Variants in PLPPR1 observed in about 807,000 individuals in gnomAD.
PLPPR1 encodes the protein phospholipid phosphatase-related protein type 1.
PLPPR1 carries 10 observed loss-of-function variants against 33.1 expected under a neutral mutation model. That is an observed-to-expected ratio of 0.30 (90% confidence interval 0.19 to 0.51). PLPPR1 has a LOEUF of 0.51. Ranked by LOEUF, PLPPR1 falls within the 20% of genes least tolerant of loss-of-function variation. The probability of loss-of-function intolerance (pLI) is 0.97; values close to 1 mark genes in which losing one functional copy is unlikely to be tolerated. For synonymous variants in PLPPR1, 151 were observed against 151.0 expected, an observed-to-expected ratio of 1.00 and a Z score of 0.00; for missense variants, 304 against 408.1, an observed-to-expected ratio of 0.74 and a Z score of 2.20.
intron 4 of PLPPR1, among the ~76,000 whole-genome samples, chr9:101,304,552 G>C (rs759388761): frequency 1.3e-5 from 2 of 152,184 alleles, no homozygotes; most frequent in Non-Finnish European, 2.9e-5. Flanking sequence ...CAAGAAATAT[G>C]AGAATAATGG....
chr9:101,215,595 C>A (rs1023448997), intron 2 of PLPPR1, among the ~76,000 whole-genome samples: 17 of 152,288 alleles, frequency 1.1e-4, no homozygotes, highest in African/African-American at 3.8e-4. Context: ...TCTAACTGTA[C>A]TTATGTACTC....
chr9:101,117,833 A>T (rs1179797835), intron 1 of PLPPR1, among the ~76,000 whole-genome samples: 2 of 152,224 alleles, frequency 1.3e-5, no homozygotes, highest in Non-Finnish European at 2.9e-5. Context: ...AACCTGGCAC[A>T]TCTGAGCACT....
intron 1 of PLPPR1, among the ~76,000 whole-genome samples, chr9:101,049,540 A>G (rs943043612): frequency 7.9e-5 from 12 of 152,168 alleles, no homozygotes; most frequent in Non-Finnish European, 1.8e-4. Context: ...ATATTGCTTC[A>G]TTAAGTTCTC....
Position 101,291,567 on chromosome 9 carries a change from C to T in PLPPR1, c.385+5331C>T, listed in dbSNP as rs547592009. Among the ~76,000 whole-genome samples the T allele has an allele frequency of 5.3e-5, 8 of 152,318 alleles. No individual in the cohort carries two copies. In the South Asian group the frequency reaches 6.2e-4, roughly 12 times the overall value. On this transcript the variant is annotated intron_variant, in intron 4 of 7. Coordinates refer to ENST00000374874, the MANE Select transcript of PLPPR1 (RefSeq NM_207299.2). Reference sequence around the variant, plus strand: ...AGTAGGGGCAGACTGACACCTCACACGGCCGGGTACTCCTCTGAGACAAAA... The same window carrying T: ...AGTAGGGGCAGACTGACACCTCACATGGCCGGGTACTCCTCTGAGACAAAA...
At chr9:101,034,821 G>A (rs571501182) in intron 1 of PLPPR1, among the ~76,000 whole-genome samples, 7 of 151,390 alleles carry the variant, frequency 4.6e-5, no homozygotes, top group Admixed American at 1.3e-4. Flanking sequence ...ATTTGGGGGC[G>A]GGGGGGTTGG....
chr9:101,217,802 A>T (rs1826833482), intron 2 of PLPPR1, among the ~76,000 whole-genome samples: 1 of 152,214 alleles, frequency 6.6e-6, no homozygotes, highest in Non-Finnish European at 1.5e-5. Flanking sequence ...TAATTCTTAA[A>T]CAATTGCCTA....
intron 2 of PLPPR1, among the ~76,000 whole-genome samples, chr9:101,226,626 A>G (rs1049813881): frequency 1.3e-5 from 2 of 152,064 alleles, no homozygotes; most frequent in Non-Finnish European, 2.9e-5. Context: ...TCTCTTTTAT[A>G]AAGAAACTAA....
At chr9:101,173,429 G>C (rs1023437094) in intron 1 of PLPPR1, among the ~76,000 whole-genome samples, 1 of 152,028 alleles carries the variant, frequency 6.6e-6, no homozygotes, top group African/African-American at 2.4e-5. Context: ...TAGCTCACAG[G>C]CTCTAGCAAT....
At chr9:101,237,941 T>G (rs1266330809) in intron 2 of PLPPR1, among the ~76,000 whole-genome samples, 1 of 128,388 alleles carries the variant, frequency 7.8e-6, no homozygotes, top group African/African-American at 3.0e-5. Context: ...TATATATATA[T>G]GCTATATATA....
intron 2 of PLPPR1, among the ~76,000 whole-genome samples, chr9:101,256,701 T>TG (rs1827809486): frequency 1.3e-5 from 2 of 152,144 alleles, no homozygotes; most frequent in African/African-American, 4.8e-5. Context: ...GAACCTGATG[T>TG]GGGGGTCCCT....
intron 2 of PLPPR1, chr9:101,187,880 A>G (rs1465539055): frequency 6.6e-6 from 1 of 151,962 alleles, no homozygotes; most frequent in Non-Finnish European, 1.5e-5. Context: ...CCAAAATCCT[A>G]TTGTCCTGAA....
intron 1 of PLPPR1, among the ~76,000 whole-genome samples, chr9:101,118,928 C>A (rs1455679449): frequency 1.3e-5 from 2 of 150,792 alleles, no homozygotes; most frequent in Non-Finnish European, 2.9e-5. Context: ...AAGACAAAGA[C>A]ATGGCAGGTA....
chr9:101,181,779 CAT>C (rs1377728994), intron 1 of PLPPR1, among the ~76,000 whole-genome samples: 45 of 148,114 alleles, frequency 3.0e-4, no homozygotes, highest in African/African-American at 1.0e-3. Context: ...TATACACACA[CAT>C]ACCTAATACA....
intron 4 of PLPPR1, among the ~76,000 whole-genome samples, chr9:101,308,814 G>C (rs1362750680): frequency 6.6e-6 from 1 of 152,170 alleles, no homozygotes. Flanking sequence ...ACCATAGCAA[G>C]TATTTTGCAC....
intron 2 of PLPPR1, among the ~76,000 whole-genome samples, chr9:101,202,765 G>A (rs1051027793): frequency 6.6e-6 from 1 of 152,200 alleles, no homozygotes; most frequent in Admixed American, 6.5e-5. Flanking sequence ...CAGCTGAGGG[G>A]CAAGAAAGCT....
At position 101,028,911 on chromosome 9, in the gene PLPPR1, ACACT is replaced by A. The variant is rs1829902480; in HGVS notation, c.-235_-232del. Reference sequence around the variant, plus strand: ...CACAAACACGGACACACACATACACACACTCGCGCACACACTCGCACAAACACAC... The same window carrying A: ...CACAAACACGGACACACACATACACACGCGCACACACTCGCACAAACACAC... On this transcript the variant is annotated 5_prime_UTR_variant, in exon 1 of 8. Coordinates refer to ENST00000374874, the MANE Select transcript of PLPPR1 (RefSeq NM_207299.2). The A allele has an allele frequency of 6.7e-6, 1 of 150,278 alleles. No individual in the cohort carries two copies. The allele number at this position is 150,278 out of a possible 1,614,324, so 9.3% of individuals were successfully genotyped here.
chr9:101,134,664 A>T (rs1334706785), intron 1 of PLPPR1, among the ~76,000 whole-genome samples: 1 of 152,174 alleles, frequency 6.6e-6, no homozygotes, highest in African/African-American at 2.4e-5. Flanking sequence ...GATTACAGGC[A>T]GGAGCCACCA....
chr9:101,250,571 T>C (rs1465407677), intron 2 of PLPPR1, among the ~76,000 whole-genome samples: 2 of 152,038 alleles, frequency 1.3e-5, no homozygotes, highest in Non-Finnish European at 2.9e-5. Flanking sequence ...GGCTAGGTGT[T>C]GTTTTTGCTC....
At chr9:101,164,376 T>TC (rs1181399011) in intron 1 of PLPPR1, among the ~76,000 whole-genome samples, 1 of 151,506 alleles carries the variant, frequency 6.6e-6, no homozygotes, top group Non-Finnish European at 1.5e-5. Context: ...TTTTTTTTTT[T>TC]TTCTGAGACA....
Sources: allele counts gnomAD v4.1 joint callset (sites outside exome capture counted in the v4.1 genomes callset), GRCh38; gene constraint gnomAD v4.1.1; transcripts MANE v1.5; gene names NCBI Gene and HGNC (gene_info 2026-07-23, HGNC 2026-07-21).